The following DNAH17 variants were observed in gnomAD, a reference collection of about 807,000 sequenced individuals.
DNAH17 encodes the protein dynein axonemal heavy chain 17, also known as axonemal beta dynein heavy chain 17.
A neutral mutation model predicts 485.6 loss-of-function variants in DNAH17; 376 were observed. The ratio of observed to expected loss-of-function variants is 0.77; its 90% confidence interval spans 0.71 to 0.84. DNAH17 has a LOEUF of 0.84. Ranked by LOEUF, DNAH17 falls within the 40% of genes least tolerant of loss-of-function variation. The probability of loss-of-function intolerance (pLI) is 0.00; values close to 1 mark genes in which losing one functional copy is unlikely to be tolerated. For missense variants in DNAH17, 6,370 were observed against 5,839.3 expected (o/e 1.09, Z -2.96); for synonymous variants, 3,031 against 2,405.9 (o/e 1.26, Z -7.60).
chr17:78,442,176 T>C (rs912111586), intron 71 of DNAH17, among the ~76,000 whole-genome samples: 1 of 152,204 alleles, frequency 6.6e-6, no homozygotes, highest in East Asian at 1.9e-4. Context: ...TGCTCGTCCC[T>C]GGGCAGGTGA....
intron 64 of DNAH17, 149 bp from the exon 65 acceptor site, chr17:78,453,614 C>CA: frequency 9.5e-7 from 1 of 1,058,056 alleles, no homozygotes; most frequent in East Asian, 2.7e-5. Flanking sequence ...CAACAGCTCG[C>CA]CCTTTCCTGA....
In DNAH17 at chr17:78,494,996, G is replaced by C; in HGVS notation, c.6005C>G (p.Thr2002Ser). The stretch of plus-strand genomic sequence containing the variant: ...CAGCTCCTTGCACAAGGTGTACAGG[G>C]TGATGAACTTCCTGGCCAGAAGGCG... ...EARLLARKFI[T>S]LYTLCKELLS... The change falls in exon 39 of 81, where the codon ACC becomes AGC. Residue 2002 changes from threonine (T) to serine (S), a missense_variant. Thr to Ser is a moderately conservative substitution (Grantham distance 58). Transcript: ENST00000389840. The C allele has an allele frequency of 1.2e-6, 2 of 1,613,294 alleles. No individual in the cohort carries two copies. Among genetic ancestry groups the C allele is most frequent in the Non-Finnish European group, 1.7e-6 (2 of 1,179,630 alleles).
intron 25 of DNAH17, among the ~76,000 whole-genome samples, chr17:78,524,453 T>TA (rs1467360661): frequency 1.3e-5 from 2 of 152,062 alleles, no homozygotes; most frequent in Non-Finnish European, 2.9e-5. Flanking sequence ...CATGCTCTTA[T>TA]AAAAGGGACC....
chr17:78,511,010 G>A lies in DNAH17; in HGVS notation c.4114-504C>T, dbSNP rs72927850. ...GGAATGCCTGGAGCCCCCAGAAGCTGGAGGAGGCAGGAAGGACCCTCCCCC... is the reference window on the plus strand; with the variant it reads ...GGAATGCCTGGAGCCCCCAGAAGCTAGAGGAGGCAGGAAGGACCCTCCCCC... On this transcript the variant is annotated intron_variant, in intron 26 of 80. Coordinates refer to ENST00000389840, the MANE Select transcript of DNAH17 (RefSeq NM_173628.4). Among the ~76,000 whole-genome samples, 296 of 152,362 alleles carry A rather than the reference G, an allele frequency of 1.9e-3. 1 individual carries two copies. The highest frequency in any genetic ancestry group is 2.8e-3 in the Non-Finnish European group (188 of 68,032).
Position 78,432,819 on chromosome 17 carries a change from G to A in DNAH17, c.12225+1210C>T, listed in dbSNP as rs138960847. On this transcript the variant is annotated intron_variant, in intron 75 of 80. Coordinates refer to ENST00000389840, the MANE Select transcript of DNAH17 (RefSeq NM_173628.4). ...CATTGAACCCCCAGGCCCTGAGGTG[G>A]AGGCCCATGAGGAAGCAGGCTTAGC... Among the ~76,000 whole-genome samples, 8 of 151,528 alleles carry A rather than the reference G, an allele frequency of 5.3e-5. No homozygotes were observed. In the East Asian group the frequency reaches 1.4e-3, roughly 26 times the overall value.
chr17:78,543,492 T>G (rs1032616779), intron 17 of DNAH17, among the ~76,000 whole-genome samples: 1 of 150,338 alleles, frequency 6.7e-6, no homozygotes, highest in Non-Finnish European at 1.5e-5. Flanking sequence ...GGGTTTCACC[T>G]TGTTAGCCAG....
In DNAH17 at chr17:78,571,039, CG is replaced by C; in HGVS notation, c.833-7del. 1 of 1,565,738 alleles carries C rather than the reference CG, an allele frequency of 6.4e-7. No homozygotes were observed. The highest frequency in any genetic ancestry group is 8.7e-7 in the Non-Finnish European group (1 of 1,154,830). On this transcript the variant is annotated splice_polypyrimidine_tract_variant and splice_region_variant and intron_variant, in intron 5 of 80. Coordinates refer to ENST00000389840, the MANE Select transcript of DNAH17 (RefSeq NM_173628.4). ...GTCGTTGGCTTCCTTCAGCCCTGCA[CG>C]GAACAAGAACAAGTGCCCACCGGTA...
intron 38 of DNAH17, 46 bp downstream of exon 38, chr17:78,495,829 C>G (rs2090050371): frequency 6.3e-7 from 1 of 1,586,324 alleles, no homozygotes; most frequent in South Asian, 1.1e-5. Flanking sequence ...GTTGCTGTGG[C>G]CGGCCTGGCT....
chr17:78,472,757 C>A (rs56063946), intron 54 of DNAH17: 15 of 454,820 alleles, frequency 3.3e-5, no homozygotes, highest in East Asian at 1.4e-4. Flanking sequence ...TTCCCCTCCC[C>A]CTCCGTTCTC....
In DNAH17 at chr17:78,485,974, C is replaced by A. The variant is rs201273328; in HGVS notation, c.7261G>T (p.Asp2421Tyr). 1.2e-6 allele frequency: 2 copies of A among 1,612,300 alleles called. No homozygotes were observed. The highest frequency in any genetic ancestry group is 1.7e-6 in the Non-Finnish European group (2 of 1,179,654). ...GGGACAGTTACCTGCAGTGGGACATCGGGATCCAGCTCAAAGGAGGGCACT... is the reference window on the plus strand; with the variant it reads ...GGGACAGTTACCTGCAGTGGGACATAGGGATCCAGCTCAAAGGAGGGCACT... ...DKVPSFELDP[D>Y]VPLQASLVHT... Residue 2421 changes from aspartate to tyrosine, a missense_variant, in exon 46 of 81, where the codon GAT becomes TAT. Asp to Tyr is a radical substitution (Grantham distance 160). Transcript: ENST00000389840.
At chr17:78,562,644 A>T (rs2092181642) in intron 11 of DNAH17, among the ~76,000 whole-genome samples, 1 of 152,112 alleles carries the variant, frequency 6.6e-6, no homozygotes, top group Non-Finnish European at 1.5e-5. Context: ...ACCCAAAACA[A>T]CTCCAAGTAA....
intron 20 of DNAH17, 82 bp downstream of exon 20, chr17:78,532,400 C>A (rs993434532): frequency 1.3e-6 from 2 of 1,483,528 alleles, no homozygotes; most frequent in African/African-American, 2.8e-5. Context: ...AAACAATTCA[C>A]CCAAGTTTTA....
chr17:78,498,708 G>A, intron 37 of DNAH17: 1 of 221,768 alleles, frequency 4.5e-6, no homozygotes, highest in Non-Finnish European at 8.8e-6. Context: ...CAGCTCCGCT[G>A]ATACCAATAA....
At chr17:78,490,612 A>C in intron 44 of DNAH17, 87 bp downstream of exon 44, 1 of 1,488,416 alleles carries the variant, frequency 6.7e-7, no homozygotes, top group Non-Finnish European at 9.0e-7. Flanking sequence ...GACATGAATG[A>C]TGAATGAATA....
Position 78,529,545 on chromosome 17 carries a change from G to A in DNAH17, c.3434C>T (p.Pro1145Leu), listed in dbSNP as rs201764607. ...GAGCAGCTCGATGGTTTGCTTCAGG[G>A]GCTCAAACATGTTGTCGGTGGCTGC... Reference protein sequence around the residue: ...RQAATDNMFEPLKQTIELLKT... With the variant: ...RQAATDNMFELLKQTIELLKT... The change falls in exon 22 of 81, where the codon CCC (proline) becomes CTC (leucine). Residue 1145 changes from proline (P) to leucine (L), a missense_variant. Physicochemically the swap from Pro to Leu is moderately conservative, Grantham distance 98 (BLOSUM62 -3). Coordinates refer to ENST00000389840, the MANE Select transcript of DNAH17 (RefSeq NM_173628.4). 2,163 of 1,613,954 alleles carry A rather than the reference G, an allele frequency of 1.3e-3. 3 individuals carry two copies. The highest frequency in any genetic ancestry group is 2.0e-3 in the Admixed American group (119 of 60,024).
At chr17:78,461,778 G>C in intron 57 of DNAH17, 70 bp from the exon 58 acceptor site, 1 of 1,479,800 alleles carries the variant, frequency 6.8e-7, no homozygotes, top group Non-Finnish European at 9.1e-7. Flanking sequence ...GCACTGGGCA[G>C]ACGAGGGCTG....
intron 48 of DNAH17, among the ~76,000 whole-genome samples, chr17:78,483,669 G>A (rs573607376): frequency 1.7e-4 from 26 of 151,700 alleles, no homozygotes; most frequent in African/African-American, 3.9e-4. Context: ...ACCCAGCTCC[G>A]CCACTCATTA....
Position 78,463,903 on chromosome 17 carries a change from C to A in DNAH17, c.8941-826G>T, listed in dbSNP as rs563309428. ...TATAGTGCTGGTGGTGGGGCCAATG[C>A]CTGTTTCTAGGAAGTCTCTGCCTTG... On this transcript the variant is annotated intron_variant, in intron 56 of 80. Transcript: ENST00000389840. Among the ~76,000 whole-genome samples, 4 of 152,258 alleles carry A rather than the reference C, an allele frequency of 2.6e-5. No individual in the cohort carries two copies. In the East Asian group the frequency reaches 7.7e-4, roughly 29 times the overall value.
At chr17:78,439,574 C>G (rs1380395075) in intron 72 of DNAH17, among the ~76,000 whole-genome samples, 1 of 151,764 alleles carries the variant, frequency 6.6e-6, no homozygotes, top group Non-Finnish European at 1.5e-5. Context: ...ATCAAGGGAA[C>G]TGCACAATAT....
Sources: allele counts gnomAD v4.1 joint callset (sites outside exome capture counted in the v4.1 genomes callset), GRCh38; gene constraint gnomAD v4.1.1; transcripts MANE v1.5; gene names NCBI Gene and HGNC (gene_info 2026-07-23, HGNC 2026-07-21).